The following UBE2E2 variants were observed in gnomAD, a reference collection of about 807,000 sequenced individuals.
UBE2E2 encodes ubiquitin-conjugating enzyme E2 E2.
UBE2E2 carries 6 observed loss-of-function variants against 24.7 expected under a neutral mutation model. The observed-to-expected ratio is 0.24, with a 90% CI of 0.13 to 0.48. UBE2E2 has a LOEUF of 0.48. Ranked by LOEUF, UBE2E2 falls within the 20% of genes least tolerant of loss-of-function variation. The pLI is 0.99. For synonymous variants in UBE2E2, 104 were observed against 83.6 expected, an observed-to-expected ratio of 1.24 and a Z score of -1.33; for missense variants, 169 against 245.0, an observed-to-expected ratio of 0.69 and a Z score of 2.07.
At chr3:23,330,204 G>C (rs1695022376) in intron 3 of UBE2E2, among the ~76,000 whole-genome samples, 1 of 152,070 alleles carries the variant, frequency 6.6e-6, no homozygotes, top group East Asian at 1.9e-4. Context: ...AAATAAAGTT[G>C]GTCTGTAAAT....
At chr3:23,500,183 T>C (rs1699691169) in intron 4 of UBE2E2, among the ~76,000 whole-genome samples, 1 of 152,140 alleles carries the variant, frequency 6.6e-6, no homozygotes, top group African/African-American at 2.4e-5. Flanking sequence ...CTATGGAGGT[T>C]TGAGTTTTGG....
intron 3 of UBE2E2, among the ~76,000 whole-genome samples, chr3:23,481,068 A>G (rs1699249194): frequency 6.6e-6 from 1 of 152,208 alleles, no homozygotes; most frequent in South Asian, 2.1e-4. Context: ...GGCTTTTGTA[A>G]TCTTAACATA....
chr3:23,288,045 T>C (rs1698666357), intron 3 of UBE2E2, among the ~76,000 whole-genome samples: 1 of 152,100 alleles, frequency 6.6e-6, no homozygotes, highest in South Asian at 2.1e-4. Context: ...TTTTCTTTTT[T>C]GATGCAGGCA....
intron 3 of UBE2E2, among the ~76,000 whole-genome samples, chr3:23,267,399 G>A (rs957678107): frequency 9.9e-5 from 15 of 152,052 alleles, no homozygotes; most frequent in African/African-American, 2.7e-4. Flanking sequence ...CAGAAATACA[G>A]ACTACCATCA....
intron 3 of UBE2E2, among the ~76,000 whole-genome samples, chr3:23,340,792 CAT>C (rs913115160): frequency 5.9e-5 from 9 of 152,066 alleles, no homozygotes; most frequent in Admixed American, 2.0e-4. Context: ...AAGTCAGAAA[CAT>C]GTGAAAAGGA....
At chr3:23,412,446 T>G (rs943588092) in intron 3 of UBE2E2, among the ~76,000 whole-genome samples, 3 of 151,654 alleles carry the variant, frequency 2.0e-5, no homozygotes, top group Admixed American at 6.6e-5. Flanking sequence ...TGATGTTTCC[T>G]GCTAAGCATT....
intron 3 of UBE2E2, among the ~76,000 whole-genome samples, chr3:23,320,668 G>T (rs1005377883): frequency 1.3e-5 from 2 of 152,200 alleles, no homozygotes; most frequent in African/African-American, 4.8e-5. Flanking sequence ...AGGGCTTGTA[G>T]CACAGAACAT....
intron 3 of UBE2E2, among the ~76,000 whole-genome samples, chr3:23,322,619 A>G (rs1431374716): frequency 6.6e-6 from 1 of 152,026 alleles, no homozygotes; most frequent in Non-Finnish European, 1.5e-5. Flanking sequence ...TGAACCTTAT[A>G]TTTTGTTTAG....
At chr3:23,348,158 C>T (rs1022963397) in intron 3 of UBE2E2, among the ~76,000 whole-genome samples, 1 of 152,036 alleles carries the variant, frequency 6.6e-6, no homozygotes, top group Non-Finnish European at 1.5e-5. Flanking sequence ...AAGGAGGTCA[C>T]TATATCTCAA....
At chr3:23,465,441 G>A (rs577775567) in intron 3 of UBE2E2, among the ~76,000 whole-genome samples, 17 of 152,218 alleles carry the variant, frequency 1.1e-4, no homozygotes, top group Middle Eastern at 3.4e-3. Flanking sequence ...TTAAAACTTG[G>A]TACCGTAACT....
At chr3:23,568,578 T>C (rs987971954) in intron 5 of UBE2E2, among the ~76,000 whole-genome samples, 2 of 143,630 alleles carry the variant, frequency 1.4e-5, no homozygotes, top group Admixed American at 7.3e-5. Flanking sequence ...GTATATCTTA[T>C]ATATAATTAT....
Position 23,389,658 on chromosome 3 carries a change from T to C in UBE2E2, c.228-109950T>C, listed in dbSNP as rs922686295. 12 of 266,506 alleles carry C rather than the reference T, an allele frequency of 4.5e-5. No homozygotes were observed. In the Admixed American group the frequency reaches 4.8e-4, roughly 11 times the overall value. 16.5% of individuals were successfully genotyped at this position (266,506 alleles called of 1,614,324 possible). On this transcript the variant is annotated intron_variant, in intron 3 of 5. Coordinates refer to ENST00000396703, the MANE Select transcript of UBE2E2 (RefSeq NM_152653.4). ...CTTATTTTGCCCTTTGAGCTGTGGT[T>C]CACTAGTCGTGGCTGGCTTTGAGGG...
chr3:23,545,957 G>C (rs1461308283), intron 5 of UBE2E2, among the ~76,000 whole-genome samples: 1 of 152,116 alleles, frequency 6.6e-6, no homozygotes, highest in East Asian at 1.9e-4. Flanking sequence ...TAAGCTATGG[G>C]CACACAAAGG....
chr3:23,220,045 G>A (rs1696583287), intron 3 of UBE2E2, among the ~76,000 whole-genome samples: 1 of 152,172 alleles, frequency 6.6e-6, no homozygotes, highest in Non-Finnish European at 1.5e-5. Context: ...GGAACTGTAT[G>A]TGTTTAAGCG....
In UBE2E2 at chr3:23,325,436, A is replaced by T. The variant is rs907085136; in HGVS notation, c.227+108124A>T. The stretch of plus-strand genomic sequence containing the variant: ...CCATACTTTCAGAAGCTTTTTCTTG[A>T]CTAGTGATGACTCTTAAGATTTTAC... On this transcript the variant is annotated intron_variant, in intron 3 of 5. Transcript: ENST00000396703. Among the ~76,000 whole-genome samples, 9 of 152,288 alleles carry T rather than the reference A, an allele frequency of 5.9e-5. No homozygotes were observed. The South Asian group carries it at 1.7e-3, about 28-fold the overall frequency.
chr3:23,280,742 C>T lies in UBE2E2; in HGVS notation c.227+63430C>T, dbSNP rs1303889617. Among the ~76,000 whole-genome samples, 1 of 152,166 alleles carries T rather than the reference C, an allele frequency of 6.6e-6. No individual in the cohort carries two copies. The highest frequency in any genetic ancestry group is 6.5e-5 in the Admixed American group (1 of 15,284). The stretch of plus-strand genomic sequence containing the variant: ...AAAGGAATGAGTACTGGAGACTAGC[C>T]TCTATGTTTCTTACTCACTTCTGTT... On this transcript the variant is annotated intron_variant, in intron 3 of 5. Transcript: ENST00000396703. The surrounding 1 kb of genome is among the most constrained non-coding windows in gnomAD (Gnocchi z 4.3).
intron 5 of UBE2E2, among the ~76,000 whole-genome samples, chr3:23,541,204 A>C (rs567944115): frequency 6.6e-6 from 1 of 152,346 alleles, no homozygotes; most frequent in South Asian, 2.1e-4. Flanking sequence ...TAACACTACC[A>C]ATGTCTGAGT....
intron 3 of UBE2E2, among the ~76,000 whole-genome samples, chr3:23,495,576 A>C (rs1699582394): frequency 6.6e-6 from 1 of 152,212 alleles, no homozygotes; most frequent in African/African-American, 2.4e-5. Flanking sequence ...CCTTGAAGTA[A>C]TGTTGTAACT....
chr3:23,587,076 A>C (rs982100270), intron 5 of UBE2E2, among the ~76,000 whole-genome samples: 1 of 152,186 alleles, frequency 6.6e-6, no homozygotes, highest in East Asian at 1.9e-4. Context: ...TTACTGTTTT[A>C]TAGTTAGTGT....
Sources: gnomAD v4.1 joint callset for allele counts (sites outside exome capture counted in the v4.1 genomes callset) on GRCh38, gnomAD v4.1.1 for gene constraint, Gnocchi (gnomAD v3.1) non-coding constraint, MANE v1.5 for transcripts, NCBI Gene and HGNC (gene_info 2026-07-23, HGNC 2026-07-21) for gene names.